MBD5: variants seen among roughly 807,000 people sequenced by gnomAD.
MBD5 encodes methyl-CpG-binding domain protein 5.
Under a neutral mutation model 117.3 loss-of-function variants are expected in MBD5, and 13 were observed. The ratio of observed to expected loss-of-function variants is 0.11; its 90% CI spans 0.07 to 0.18. The LOEUF (loss-of-function observed/expected upper bound fraction) is 0.18, where lower values mean the gene tolerates loss of function less well. Among genes scored for constraint, MBD5 ranks in the 10% least tolerant of loss-of-function variants. The pLI is 1.00. For missense variants in MBD5, 1,879 were observed against 2,093.8 expected (o/e 0.90, Z 2.00); for synonymous variants, 727 against 766.4 (o/e 0.95, Z 0.85).
At chr2:148,432,920 C>T (rs996172626) in intron 4 of MBD5, among the ~76,000 whole-genome samples, 1 of 151,952 alleles carries the variant, frequency 6.6e-6, no homozygotes, top group Admixed American at 6.6e-5. Context: ...TTGGTAGTTT[C>T]ATAGGAATAG....
chr2:148,466,016 C>T (rs1415673450), intron 7 of MBD5, among the ~76,000 whole-genome samples: 1 of 152,102 alleles, frequency 6.6e-6, no homozygotes, highest in Non-Finnish European at 1.5e-5. Context: ...ATAACTAGCA[C>T]AGGTAGTAAT....
intron 1 of MBD5, among the ~76,000 whole-genome samples, chr2:148,164,472 A>G (rs534194067): frequency 6.6e-6 from 1 of 152,262 alleles, no homozygotes; most frequent in East Asian, 1.9e-4. Flanking sequence ...GTATTATATT[A>G]TTTAGTATTT....
chr2:148,056,039 A>G (rs1694853675), intron 1 of MBD5: 1 of 152,174 alleles, frequency 6.6e-6, no homozygotes, highest in Non-Finnish European at 1.5e-5. Flanking sequence ...AGACCATGGA[A>G]TACCTCTCCT....
intron 1 of MBD5, among the ~76,000 whole-genome samples, chr2:148,079,554 C>A (rs2105144878): frequency 6.6e-6 from 1 of 151,926 alleles, no homozygotes; most frequent in Admixed American, 6.6e-5. Flanking sequence ...TGTGTCTACT[C>A]TCCTCTCTTA....
At chr2:148,241,221 T>C (rs1476878632) in intron 3 of MBD5, among the ~76,000 whole-genome samples, 1 of 152,196 alleles carries the variant, frequency 6.6e-6, no homozygotes, top group African/African-American at 2.4e-5. Context: ...GTTAAATCAG[T>C]AGCTGCTCAC....
At chr2:148,324,463 C>T (rs538658756) in intron 3 of MBD5, among the ~76,000 whole-genome samples, 88 of 152,320 alleles carry the variant, frequency 5.8e-4, no homozygotes, top group Non-Finnish European at 9.1e-4. Flanking sequence ...TTCTTCCTAC[C>T]CATGAGCATG....
At chr2:148,022,889 G>A (rs1261497534) in intron 1 of MBD5, among the ~76,000 whole-genome samples, 2 of 152,108 alleles carry the variant, frequency 1.3e-5, no homozygotes, top group Non-Finnish European at 1.5e-5. Context: ...TGTTCTTAGT[G>A]CATAGCTTTA....
intron 4 of MBD5, among the ~76,000 whole-genome samples, chr2:148,359,055 A>C (rs1280850071): frequency 2.0e-5 from 3 of 152,040 alleles, no homozygotes; most frequent in Non-Finnish European, 4.4e-5. Context: ...TGAGGTCAGG[A>C]GTTCAAGACC....
At chr2:148,334,993 C>T (rs2105086045) in intron 3 of MBD5, among the ~76,000 whole-genome samples, 1 of 152,110 alleles carries the variant, frequency 6.6e-6, no homozygotes, top group African/African-American at 2.4e-5. Flanking sequence ...ACTCAGTAAA[C>T]CCAGGAACAA....
At chr2:148,447,178 GGAAAGAAAGAAAGAAAGAAAGAAAGAAA>G (rs70995316) in intron 4 of MBD5, among the ~76,000 whole-genome samples, 106,113 of 137,548 alleles carry the variant, frequency 0.77, 42,747 homozygotes, top group East Asian at 0.96. Context: ...AAAGGAAGAA[GGAAAGAAAGAAAGAAAGAAAGAAAGAAA>G]GAAAGAAAGA....
At chr2:148,397,325 CTTTTTTTTTTTTT>C (rs34236548) in intron 4 of MBD5, among the ~76,000 whole-genome samples, 2 of 100,670 alleles carry the variant, frequency 2.0e-5, no homozygotes, top group Non-Finnish European at 3.9e-5. Context: ...TCTTCTGATC[CTTTTTTTTTTTTT>C]TTTTTTTTTG....
chr2:148,479,766 ATTTCCT>A (rs1681090993), intron 8 of MBD5, among the ~76,000 whole-genome samples: 1 of 139,688 alleles, frequency 7.2e-6, no homozygotes, highest in African/African-American at 2.6e-5. Context: ...GGCCCTTTAT[ATTTCCT>A]TTTCATCTCT....
At chr2:148,477,421 T>A (rs1347957822) in intron 8 of MBD5, among the ~76,000 whole-genome samples, 2 of 152,166 alleles carry the variant, frequency 1.3e-5, no homozygotes, top group African/African-American at 4.8e-5. Flanking sequence ...CCCTAAGATT[T>A]CGTTTCTATT....
intron 3 of MBD5, among the ~76,000 whole-genome samples, chr2:148,327,536 C>T (rs940627154): frequency 6.6e-6 from 1 of 151,980 alleles, no homozygotes; most frequent in African/African-American, 2.4e-5. Context: ...AGGCTTTGCT[C>T]GTTTCTTTTT....
At chr2:148,161,358 T>C (rs1198677112) in intron 1 of MBD5, among the ~76,000 whole-genome samples, 1 of 152,162 alleles carries the variant, frequency 6.6e-6, no homozygotes, top group Non-Finnish European at 1.5e-5. Flanking sequence ...ATGGGGATGC[T>C]GGGATCTGGA....
At position 148,042,021 on chromosome 2, in the gene MBD5, G is replaced by A. The variant is rs376756632; in HGVS notation, c.-925+20337G>A. Reference sequence around the variant, plus strand: ...GAGAAAAGCTCTGGCCACCTAAAGGGGACTGTCTTCTACTTCGTTGTTTAC... The same window carrying A: ...GAGAAAAGCTCTGGCCACCTAAAGGAGACTGTCTTCTACTTCGTTGTTTAC... On this transcript the variant is annotated intron_variant, in intron 1 of 13. Transcript: ENST00000642680. Among the ~76,000 whole-genome samples, 11 of 152,108 alleles carry A rather than the reference G, an allele frequency of 7.2e-5. No individual in the cohort carries two copies. The East Asian group carries it at 1.9e-3, about 27-fold the overall frequency.
intron 3 of MBD5, among the ~76,000 whole-genome samples, chr2:148,338,157 T>C (rs1264888972): frequency 6.6e-6 from 1 of 152,192 alleles, no homozygotes; most frequent in African/African-American, 2.4e-5. Context: ...TATGAGTGAA[T>C]AATTTTTCTA....
intron 4 of MBD5, among the ~76,000 whole-genome samples, chr2:148,427,280 G>A (rs970376531): frequency 4.6e-5 from 7 of 152,106 alleles, no homozygotes; most frequent in Non-Finnish European, 1.0e-4. Context: ...AACACCATTC[G>A]ACCCAGCCAT....
chr2:148,361,085 T>C (rs932135645), intron 4 of MBD5, among the ~76,000 whole-genome samples: 1 of 152,142 alleles, frequency 6.6e-6, no homozygotes, highest in Non-Finnish European at 1.5e-5. Context: ...TGGTGGCTCA[T>C]GCCTATAATG....
Sources: allele counts gnomAD v4.1 joint callset (sites outside exome capture counted in the v4.1 genomes callset), GRCh38; gene constraint gnomAD v4.1.1; transcripts MANE v1.5; gene names NCBI Gene and HGNC (gene_info 2026-07-23, HGNC 2026-07-21).